Variants in UQCC6 observed in about 807,000 individuals in gnomAD.
UQCC6 encodes protein BRAWNIN.
chr12:103,964,037 TGAGA>T, the UQCC6 span, among the ~76,000 whole-genome samples: 2 of 151,692 alleles, frequency 1.3e-5, no homozygotes, highest in Non-Finnish European at 1.5e-5. Context: ...TGCAGGATGT[TGAGA>T]GAGAGACACT....
the UQCC6 span, among the ~76,000 whole-genome samples, chr12:103,964,475 A>G: frequency 1.3e-5 from 2 of 152,118 alleles, no homozygotes; most frequent in South Asian, 4.1e-4. Context: ...TGGTCTCTTG[A>G]GGTTATGAAT....
chr12:103,962,055 A>G, the UQCC6 span, among the ~76,000 whole-genome samples: 4 of 152,216 alleles, frequency 2.6e-5, no homozygotes, highest in African/African-American at 9.6e-5. Flanking sequence ...TAACATTGTC[A>G]CAATGAAAAA....
chr12:103,952,216 A>G, the UQCC6 span, among the ~76,000 whole-genome samples: 1 of 152,186 alleles, frequency 6.6e-6, no homozygotes, highest in Admixed American at 6.5e-5. Context: ...ACATAGCCAT[A>G]GATAACTATT....
chr12:103,958,337 G>A, the UQCC6 span, among the ~76,000 whole-genome samples: 1 of 151,942 alleles, frequency 6.6e-6, no homozygotes, highest in African/African-American at 2.4e-5. Context: ...ACAATAAACT[G>A]CACATATTTA....
At chr12:103,957,943 T>C in the UQCC6 span, among the ~76,000 whole-genome samples, 3,501 of 145,430 alleles carry the variant, frequency 0.024, 129 homozygotes, top group East Asian at 0.15. Context: ...ACATATTTTA[T>C]ATTATATATT....
At chr12:103,955,695 G>A in the UQCC6 span, 1 of 444,236 alleles carries the variant, frequency 2.3e-6, no homozygotes, top group Non-Finnish European at 4.5e-6. Flanking sequence ...TTGACTCTCT[G>A]AAAGTGTTAC....
chr12:103,951,967 A>C, the UQCC6 span, among the ~76,000 whole-genome samples: 1 of 152,244 alleles, frequency 6.6e-6, no homozygotes, highest in Admixed American at 6.5e-5. Flanking sequence ...ACTCTCTACC[A>C]TGTGCCTGGC....
the UQCC6 span, chr12:103,953,249 G>C: frequency 7.4e-6 from 5 of 673,782 alleles, no homozygotes; most frequent in Non-Finnish European, 1.4e-5. Context: ...GAGGTGGTGA[G>C]AAGCAGGCAG....
the UQCC6 span, among the ~76,000 whole-genome samples, chr12:103,957,963 T>C: frequency 8.3e-5 from 12 of 145,438 alleles, no homozygotes; most frequent in East Asian, 5.9e-4. Context: ...TTTTAATATA[T>C]ATTATATATT....
the UQCC6 span, among the ~76,000 whole-genome samples, chr12:103,954,134 A>G: frequency 2.6e-5 from 4 of 152,262 alleles, no homozygotes; most frequent in African/African-American, 7.2e-5. Context: ...ATACTATGCA[A>G]TAGTTAAAAA....
chr12:103,959,066 T>G, the UQCC6 span, among the ~76,000 whole-genome samples: 8 of 152,226 alleles, frequency 5.3e-5, no homozygotes, highest in Non-Finnish European at 1.2e-4. Context: ...TGTAACTTTG[T>G]GCCAATCTTG....
At chr12:103,964,034 T>C in the UQCC6 span, among the ~76,000 whole-genome samples, 3 of 151,706 alleles carry the variant, frequency 2.0e-5, no homozygotes, top group Non-Finnish European at 4.4e-5. Context: ...AGATGCAGGA[T>C]GTTGAGAGAG....
At chr12:103,953,219 T>C in the UQCC6 span, among the ~76,000 whole-genome samples, 9 of 152,188 alleles carry the variant, frequency 5.9e-5, no homozygotes, top group Non-Finnish European at 1.0e-4. Flanking sequence ...GACAGTGGAT[T>C]GAACTGGGTA....
At chr12:103,965,678 T>C in the UQCC6 span, 1 of 277,564 alleles carries the variant, frequency 3.6e-6, no homozygotes, top group African/African-American at 2.2e-5. Context: ...AAAGCTGACG[T>C]CGGCAGAGCG....
At chr12:103,955,432 T>C in the UQCC6 span, among the ~76,000 whole-genome samples, 40 of 151,934 alleles carry the variant, frequency 2.6e-4, no homozygotes, top group African/African-American at 9.7e-4. Flanking sequence ...AAGCCAGGAG[T>C]TGGAGACCAG....
chr12:103,959,281 T>C, the UQCC6 span, among the ~76,000 whole-genome samples: 2 of 152,220 alleles, frequency 1.3e-5, no homozygotes, highest in Non-Finnish European at 2.9e-5. Context: ...GGTTGATAGA[T>C]ATAAAGCTAC....
At chr12:103,952,836 G>C in the UQCC6 span, among the ~76,000 whole-genome samples, 2 of 152,192 alleles carry the variant, frequency 1.3e-5, no homozygotes, top group African/African-American at 4.8e-5. Context: ...CATGGAGGAG[G>C]ATGAGGGAGG....
At chr12:103,958,929 A>T in the UQCC6 span, among the ~76,000 whole-genome samples, 1 of 152,116 alleles carries the variant, frequency 6.6e-6, no homozygotes, top group African/African-American at 2.4e-5. Flanking sequence ...CCCTTGATTA[A>T]TTTGCCCTTT....
the UQCC6 span, among the ~76,000 whole-genome samples, chr12:103,952,877 G>T: frequency 6.6e-6 from 1 of 152,204 alleles, no homozygotes; most frequent in Non-Finnish European, 1.5e-5. Context: ...AGCATTTCAG[G>T]CAGATGGAAC....
Sources: gnomAD v4.1 joint callset for allele counts (sites outside exome capture counted in the v4.1 genomes callset) on GRCh38, gnomAD v4.1.1 for gene constraint, MANE v1.5 for transcripts, NCBI Gene and HGNC (gene_info 2026-07-23, HGNC 2026-07-21) for gene names.